Variants in ADGRL4 observed in about 807,000 individuals in gnomAD.
ADGRL4 encodes adhesion G protein-coupled receptor L4, also known as EGF, latrophilin and seven transmembrane domain containing 1.
ADGRL4 carries 90 observed loss-of-function variants against 74.8 expected under a neutral mutation model. The ratio of observed to expected loss-of-function variants is 1.20; its 90% CI spans 1.02 to 1.43. The LOEUF (loss-of-function observed/expected upper bound fraction) is 1.43, where lower values mean the gene tolerates loss of function less well. Ranked by LOEUF, ADGRL4 falls within the 40% of genes most tolerant of loss-of-function variation. ADGRL4 has a pLI of 0.00. For synonymous variants in ADGRL4, 311 were observed against 279.2 expected, an observed-to-expected ratio of 1.11 and a Z score of -1.14; for missense variants, 881 against 814.3, an observed-to-expected ratio of 1.08 and a Z score of -1.00.
At chr1:78,927,703 G>A (rs6660288) in intron 7 of ADGRL4, among the ~76,000 whole-genome samples, 32,696 of 151,868 alleles carry the variant, frequency 0.22, 4,039 homozygotes, top group Non-Finnish European at 0.28. Context: ...ACCAAATAGC[G>A]CAAAATCATA....
Position 78,920,401 on chromosome 1 carries a change from T to G in ADGRL4, c.1258-15A>C. 1 of 1,489,392 alleles carries G rather than the reference T, an allele frequency of 6.7e-7. No homozygotes were observed. Among genetic ancestry groups the G allele is most frequent in the Non-Finnish European group, 9.2e-7 (1 of 1,082,762 alleles). 92.3% of individuals were successfully genotyped at this position (1,489,392 alleles called of 1,614,324 possible). On this transcript the variant is annotated splice_polypyrimidine_tract_variant and intron_variant, in intron 9 of 14. Transcript: ENST00000370742. ...TCTTTAATACCCTAAGGGAAAATAA[T>G]AATAAAGCAGTTAAAAGAATAACTC...
chr1:78,998,717 A>T (rs1570280401), intron 2 of ADGRL4, among the ~76,000 whole-genome samples: 1 of 152,268 alleles, frequency 6.6e-6, no homozygotes, highest in South Asian at 2.1e-4. Flanking sequence ...ATAATGTAGC[A>T]GGGAAAAGGC....
chr1:78,941,744 A>G (rs1035924849), intron 3 of ADGRL4, among the ~76,000 whole-genome samples: 1 of 152,292 alleles, frequency 6.6e-6, no homozygotes. Flanking sequence ...CAAGATCCAC[A>G]CTAATTTCTC....
At chr1:78,916,877 C>T (rs1212102669) in intron 12 of ADGRL4, among the ~76,000 whole-genome samples, 1 of 151,830 alleles carries the variant, frequency 6.6e-6, no homozygotes, top group Admixed American at 6.6e-5. Context: ...CTATTATATT[C>T]AGAAAGACTG....
intron 2 of ADGRL4, among the ~76,000 whole-genome samples, chr1:78,998,473 G>A (rs1650768011): frequency 6.9e-6 from 1 of 145,886 alleles, no homozygotes; most frequent in African/African-American, 2.5e-5. Context: ...GGGCTCAAGC[G>A]ATTCTCCTGC....
At chr1:78,993,396 T>C (rs1366285177) in intron 2 of ADGRL4, among the ~76,000 whole-genome samples, 2 of 152,170 alleles carry the variant, frequency 1.3e-5, no homozygotes, top group Non-Finnish European at 2.9e-5. Context: ...CTTAAATAGT[T>C]TACTGAAGAA....
chr1:78,891,180 G>T lies in ADGRL4; in HGVS notation c.2047C>A (p.Pro683Thr), dbSNP rs759465075. Residue 683 changes from proline (P) to threonine (T), a missense_variant, in exon 15 of 15, where the codon CCC (proline) becomes ACC (threonine). Physicochemically the swap from Pro to Thr is conservative, Grantham distance 38. Coordinates refer to ENST00000370742, the MANE Select transcript of ADGRL4 (RefSeq NM_022159.4). ...TACCTTAAACATCCAAAACAACAGG[G>T]GACATTTTTGAACAATCTGTAATAT... Reference protein sequence around the residue: ...EEYYRLFKNVPCCFGCLR With the variant: ...EEYYRLFKNVTCCFGCLR The T allele has an allele frequency of 6.2e-7, 1 of 1,609,060 alleles. No homozygotes were observed. The highest frequency in any genetic ancestry group is 1.3e-5 in the African/African-American group (1 of 74,394).
chr1:78,923,690 T>C (rs866185352), intron 8 of ADGRL4, among the ~76,000 whole-genome samples: 2 of 151,350 alleles, frequency 1.3e-5, no homozygotes, highest in Non-Finnish European at 2.9e-5. Context: ...ACTGTACCCA[T>C]TAAACAAAAT....
intron 2 of ADGRL4, among the ~76,000 whole-genome samples, chr1:78,973,336 T>A (rs1303013364): frequency 1.3e-5 from 2 of 151,968 alleles, no homozygotes; most frequent in African/African-American, 4.8e-5. Flanking sequence ...TGCCTTCAGT[T>A]CTAAATAATT....
chr1:78,894,357 A>G (rs1340429955), intron 12 of ADGRL4, among the ~76,000 whole-genome samples: 2 of 151,796 alleles, frequency 1.3e-5, no homozygotes, highest in Non-Finnish European at 2.9e-5. Context: ...TCTAGTCTCT[A>G]TTTCCTGTTT....
intron 2 of ADGRL4, among the ~76,000 whole-genome samples, chr1:78,994,011 C>G (rs527656479): frequency 6.6e-6 from 1 of 152,304 alleles, no homozygotes; most frequent in South Asian, 2.1e-4. Context: ...GCCTCAAAAA[C>G]AGACCATTAC....
At chr1:78,935,342 G>C (rs1649330067) in intron 7 of ADGRL4, among the ~76,000 whole-genome samples, 1 of 152,014 alleles carries the variant, frequency 6.6e-6, no homozygotes. Flanking sequence ...TCATAAGTGG[G>C]AGTTGAACAA....
At chr1:78,935,746 T>C (rs1240224679) in intron 7 of ADGRL4, among the ~76,000 whole-genome samples, 1 of 152,054 alleles carries the variant, frequency 6.6e-6, no homozygotes, top group Non-Finnish European at 1.5e-5. Context: ...GTAACAAAAG[T>C]TGGAGGTAAG....
In ADGRL4 at chr1:78,994,734, A is replaced by G. The variant is rs577595363; in HGVS notation, c.172+10336T>C. On this transcript the variant is annotated intron_variant, in intron 2 of 14. Transcript: ENST00000370742. ...GTCTTGGACAGTAACCAGGTTTATA[A>G]TAGTCCCAGTATTGAAAGGGTCTAA... Among the ~76,000 whole-genome samples, 3 of 152,206 alleles carry G rather than the reference A, an allele frequency of 2.0e-5. No individual in the cohort carries two copies. In the South Asian group the frequency reaches 6.2e-4, roughly 31 times the overall value.
chr1:78,943,320 G>T (rs1305460893), intron 3 of ADGRL4, among the ~76,000 whole-genome samples: 1 of 152,142 alleles, frequency 6.6e-6, no homozygotes, highest in Non-Finnish European at 1.5e-5. Flanking sequence ...ACTATTGGAT[G>T]CCTCAGCTTC....
In ADGRL4 at chr1:78,935,980, C is replaced by T. The variant is rs1466444841; in HGVS notation, c.877+315G>A. Reference sequence around the variant, plus strand: ...CTACTAAAAATACAAAAAAATTAGCCGGGCGTGATGGCGGGCGCCTGTAGT... The same window carrying T: ...CTACTAAAAATACAAAAAAATTAGCTGGGCGTGATGGCGGGCGCCTGTAGT... On this transcript the variant is annotated intron_variant, in intron 7 of 14. Transcript: ENST00000370742. Among the ~76,000 whole-genome samples, 4 of 79,688 alleles carry T rather than the reference C, an allele frequency of 5.0e-5. 2 individuals carry two copies. Among genetic ancestry groups the T allele is most frequent in the African/African-American group, 1.6e-4 (4 of 25,172 alleles). 52.3% of individuals were successfully genotyped at this position (79,688 alleles called of 152,430 possible). A position where few individuals can be genotyped will look rare whatever the true frequency, so the allele number is the denominator to read the frequency against.
intron 3 of ADGRL4, among the ~76,000 whole-genome samples, chr1:78,941,423 A>G (rs925212022): frequency 2.6e-5 from 4 of 152,250 alleles, no homozygotes; most frequent in African/African-American, 4.8e-5. Context: ...CCCATGAAGT[A>G]TCATAAACAA....
intron 12 of ADGRL4, among the ~76,000 whole-genome samples, chr1:78,895,972 A>T (rs1290815459): frequency 1.3e-5 from 2 of 152,030 alleles, no homozygotes; most frequent in African/African-American, 2.4e-5. Context: ...CTGCACCTTA[A>T]ATAGGGATTT....
chr1:78,952,517 G>A (rs113610534), intron 2 of ADGRL4, among the ~76,000 whole-genome samples: 4,516 of 150,980 alleles, frequency 0.03, 85 homozygotes, highest in South Asian at 0.053. Context: ...TAAAAATACA[G>A]GTAAAGAGAT....
Sources: gnomAD v4.1 joint callset for allele counts (sites outside exome capture counted in the v4.1 genomes callset) on GRCh38, gnomAD v4.1.1 for gene constraint, MANE v1.5 for transcripts, NCBI Gene and HGNC (gene_info 2026-07-23, HGNC 2026-07-21) for gene names.